Variants in PATL2 observed in about 807,000 individuals in gnomAD.
The protein encoded by PATL2 is PAT1 homolog 2, also known as protein PAT1 homolog 2.
Under a neutral mutation model 77.0 loss-of-function variants are expected in PATL2, and 73 were observed. The observed-to-expected ratio is 0.95, with a 90% confidence interval of 0.78 to 1.15. The LOEUF (loss-of-function observed/expected upper bound fraction) is 1.15. Ranked by LOEUF, PATL2 falls within the 50% of genes most tolerant of loss-of-function variation. The pLI, the probability that PATL2 is intolerant of heterozygous loss-of-function variation, is 0.00. For synonymous variants in PATL2, 265 were observed against 257.1 expected (o/e 1.03, Z -0.29); for missense variants, 618 against 655.4 (o/e 0.94, Z 0.62).
chr15:44,689,849 T>C (rs1043781333), intron 3 of PATL2, among the ~76,000 whole-genome samples: 18 of 152,158 alleles, frequency 1.2e-4, no homozygotes, highest in African/African-American at 3.6e-4. Context: ...ACCCCAGAAC[T>C]TAAAGTATAA....
chr15:44,675,723 A>G, intron 4 of PATL2, 32 bp from the exon 5 acceptor site: 1 of 1,517,284 alleles, frequency 6.6e-7, no homozygotes, highest in Non-Finnish European at 8.9e-7. Flanking sequence ...AGGAGAAGGT[A>G]AGATGGGGCT....
chr15:44,709,637 C>G (rs1198246749), intron 3 of PATL2, among the ~76,000 whole-genome samples: 1 of 152,176 alleles, frequency 6.6e-6, no homozygotes, highest in Non-Finnish European at 1.5e-5. Context: ...TAATTTTCCC[C>G]CTCACTATTC....
In PATL2 at chr15:44,675,709, C is replaced by A; in HGVS notation, c.17-18G>T. The stretch of plus-strand genomic sequence containing the variant: ...ACCTGGCCCTTGGTTTAAGTGTGGG[C>A]CAGAGGAGAAGGTAAGATGGGGCTC... On this transcript the variant is annotated intron_variant, in intron 4 of 17. Transcript: ENST00000682850. 6.5e-7 allele frequency: 1 copy of A among 1,533,836 alleles called. No homozygotes were observed. The highest frequency in any genetic ancestry group is 8.8e-7 in the Non-Finnish European group (1 of 1,138,274).
intron 7 of PATL2, among the ~76,000 whole-genome samples, 187 bp downstream of exon 7, chr15:44,673,048 C>T (rs933465935): frequency 3.9e-5 from 6 of 152,242 alleles, no homozygotes; most frequent in African/African-American, 1.4e-4. Context: ...GTGTGAGCCA[C>T]AGCACCCGGC....
intron 3 of PATL2, among the ~76,000 whole-genome samples, chr15:44,686,519 A>G (rs2086261279): frequency 6.6e-6 from 1 of 152,208 alleles, no homozygotes; most frequent in Admixed American, 6.5e-5. Flanking sequence ...AAGAGCAAAC[A>G]AATTCAAAAG....
At position 44,670,191 on chromosome 15, in the gene PATL2, T is replaced by G. The variant is rs968878031; in HGVS notation, c.658-104A>C. Reference sequence around the variant, plus strand: ...GTGCAGCCTCTTAAGTTTAGTTTTTTTGTGTGTGTTATAAGTTTTGTTGTT... The same window carrying G: ...GTGCAGCCTCTTAAGTTTAGTTTTTGTGTGTGTGTTATAAGTTTTGTTGTT... On this transcript the variant is annotated intron_variant, in intron 9 of 17. Transcript: ENST00000682850. The G allele has an allele frequency of 1.5e-5, 21 of 1,434,006 alleles. No homozygotes were observed. In the South Asian group the frequency reaches 1.9e-4, roughly 13 times the overall value. 88.8% of individuals were successfully genotyped at this position (1,434,006 alleles called of 1,614,324 possible). A position where few individuals can be genotyped will look rare whatever the true frequency, so the allele number is the denominator to read the frequency against.
chr15:44,706,054 C>T (rs1595991676), intron 3 of PATL2, among the ~76,000 whole-genome samples: 2 of 152,250 alleles, frequency 1.3e-5, no homozygotes, highest in South Asian at 2.1e-4. Context: ...CCCACCTTGG[C>T]CTCCCAGAAT....
intron 3 of PATL2, among the ~76,000 whole-genome samples, chr15:44,703,137 A>G (rs980305311): frequency 5.3e-5 from 8 of 152,102 alleles, no homozygotes; most frequent in African/African-American, 1.7e-4. Flanking sequence ...TTAGCTGGGC[A>G]TGGTGGTGAG....
At position 44,678,000 on chromosome 15, in the gene PATL2, G is replaced by A. The variant is rs140801150; in HGVS notation, c.-75-1435C>T. Among the ~76,000 whole-genome samples, 604 of 152,120 alleles carry A rather than the reference G, an allele frequency of 4.0e-3. 5 individuals carry two copies. The highest frequency in any genetic ancestry group is 6.5e-3 in the Non-Finnish European group (441 of 67,998). On this transcript the variant is annotated intron_variant, in intron 3 of 17. Transcript: ENST00000682850. ...TTACAGGCGGCCACCACCATGCCCA[G>A]CTAATTTTTGTATATATATATATTT...
At chr15:44,683,584 C>G (rs2086184679) in intron 3 of PATL2, among the ~76,000 whole-genome samples, 1 of 152,204 alleles carries the variant, frequency 6.6e-6, no homozygotes, top group African/African-American at 2.4e-5. Flanking sequence ...AAGGCAGTAG[C>G]CCCAGTCAGG....
chr15:44,668,729 A>T (rs548520253), intron 14 of PATL2, among the ~76,000 whole-genome samples: 1 of 152,282 alleles, frequency 6.6e-6, no homozygotes, highest in East Asian at 1.9e-4. Flanking sequence ...CTAATCTTTT[A>T]CTCAGACCTC....
intron 3 of PATL2, among the ~76,000 whole-genome samples, chr15:44,699,579 C>T (rs554057217): frequency 6.6e-6 from 1 of 152,240 alleles, no homozygotes; most frequent in South Asian, 2.1e-4. Context: ...GTCAAGAGAT[C>T]CACCCACCTT....
chr15:44,690,982 C>T (rs754572423), intron 3 of PATL2, among the ~76,000 whole-genome samples: 4 of 151,786 alleles, frequency 2.6e-5, no homozygotes, highest in Admixed American at 2.0e-4. Flanking sequence ...TTTGACCATG[C>T]TTTTTACTTT....
intron 3 of PATL2, among the ~76,000 whole-genome samples, chr15:44,700,678 G>GT (rs1364110831): frequency 6.6e-6 from 1 of 152,112 alleles, no homozygotes; most frequent in East Asian, 1.9e-4. Flanking sequence ...GAGTCCTTAG[G>GT]TTTTTTTCAA....
In PATL2 at chr15:44,672,023, A is replaced by G; in HGVS notation, c.649T>C (p.Tyr217His). 6.4e-7 allele frequency: 1 copy of G among 1,551,698 alleles called. No individual in the cohort carries two copies. Among genetic ancestry groups the G allele is most frequent in the Non-Finnish European group, 8.7e-7 (1 of 1,146,968 alleles). Residue 217 changes from tyrosine to histidine, a missense_variant, in exon 9 of 18, where the codon TAT (tyrosine) becomes CAT (histidine). Physicochemically the swap from Tyr to His is moderately conservative, Grantham distance 83. Transcript: ENST00000682850. ...QSAKPRLDDY[Y>H]YQEYYQKLEK... is the part of the protein sequence containing the mutation. ...AGTACTGCGGGGCTCACCTGGTAAT[A>G]GTAGTCATCCAGGCGGGGTTTTGCA... is the stretch of plus-strand genomic sequence containing the variant.
intron 3 of PATL2, among the ~76,000 whole-genome samples, chr15:44,703,234 C>CCA (rs991907442): frequency 6.6e-6 from 1 of 152,080 alleles, no homozygotes; most frequent in Admixed American, 6.5e-5. Flanking sequence ...TGAGATCACA[C>CCA]CACTGCACTC....
intron 3 of PATL2, among the ~76,000 whole-genome samples, chr15:44,686,889 G>A (rs1440231873): frequency 6.6e-6 from 1 of 152,112 alleles, no homozygotes; most frequent in East Asian, 1.9e-4. Flanking sequence ...CCAATAACAA[G>A]TTCTGAAATT....
At chr15:44,674,317 A>G (rs998689177) in intron 5 of PATL2, 87 bp from the exon 6 acceptor site, 92 of 1,024,468 alleles carry the variant, frequency 9.0e-5, no homozygotes, top group Non-Finnish European at 1.2e-4. Flanking sequence ...TGGTGGGAGG[A>G]AGCAGCAAGA....
At chr15:44,677,353 G>C (rs546776178) in intron 3 of PATL2, among the ~76,000 whole-genome samples, 3 of 152,146 alleles carry the variant, frequency 2.0e-5, no homozygotes, top group Non-Finnish European at 2.9e-5. Flanking sequence ...GGTCATGTGA[G>C]CTTAAGTCAG....
Sources: gnomAD v4.1 joint callset for allele counts (sites outside exome capture counted in the v4.1 genomes callset) on GRCh38, gnomAD v4.1.1 for gene constraint, MANE v1.5 for transcripts, NCBI Gene and HGNC (gene_info 2026-07-23, HGNC 2026-07-21) for gene names.